Variants in KLHDC2 observed in about 807,000 individuals in gnomAD.
KLHDC2 encodes the protein kelch domain containing 2.
A neutral mutation model predicts 62.3 loss-of-function variants in KLHDC2; 38 were observed. The observed-to-expected ratio is 0.61, with a 90% confidence interval of 0.47 to 0.80. The LOEUF is 0.80. Among genes scored for constraint, KLHDC2 ranks in the 30% least tolerant of loss-of-function variants. The probability of loss-of-function intolerance (pLI) is 0.00; values close to 1 mark genes in which losing one functional copy is unlikely to be tolerated. For missense variants in KLHDC2, 430 were observed against 495.3 expected, an observed-to-expected ratio of 0.87 and a Z score of 1.25; for synonymous variants, 159 against 161.0, an observed-to-expected ratio of 0.99 and a Z score of 0.09.
At position 49,779,740 on chromosome 14, in the gene KLHDC2, T is replaced by A; in HGVS notation, c.715-8T>A. ...CTTCAAAATGATAACTTAATTATCC[T>A]TTTTTAGGATGCTAGAATGAATGAT... On this transcript the variant is annotated splice_polypyrimidine_tract_variant and splice_region_variant and intron_variant, in intron 7 of 12. Coordinates refer to ENST00000298307, the MANE Select transcript of KLHDC2 (RefSeq NM_014315.3). The A allele has an allele frequency of 6.2e-7, 1 of 1,608,640 alleles. No homozygotes were observed. Among genetic ancestry groups the A allele is most frequent in the Non-Finnish European group, 8.5e-7 (1 of 1,175,360 alleles).
At chr14:49,779,868 C>A in intron 8 of KLHDC2, 62 bp downstream of exon 8, 1 of 1,146,252 alleles carries the variant, frequency 8.7e-7, no homozygotes, top group Non-Finnish European at 1.3e-6. Flanking sequence ...ATATTCCCTA[C>A]TATTGGTATA....
intron 10 of KLHDC2, 48 bp downstream of exon 10, chr14:49,780,823 TG>T (rs769205122): frequency 9.6e-7 from 1 of 1,043,852 alleles, no homozygotes; most frequent in South Asian, 1.3e-5. Context: ...ACATAAGAAT[TG>T]AGGTTTTGGC....
At chr14:49,774,757 G>A in intron 3 of KLHDC2, 79 bp downstream of exon 3, 7 of 850,152 alleles carry the variant, frequency 8.2e-6, no homozygotes, top group East Asian at 2.4e-5. Context: ...TCTAAGGTTA[G>A]CCCCAGACTT....
intron 5 of KLHDC2, 50 bp downstream of exon 5, chr14:49,778,309 A>T: frequency 2.9e-6 from 4 of 1,368,652 alleles, no homozygotes; most frequent in Non-Finnish European, 4.1e-6. Context: ...TGTTGAAATA[A>T]TACATTTTAT....
intron 6 of KLHDC2, 91 bp from the exon 7 acceptor site, chr14:49,779,504 C>A: frequency 4.5e-6 from 4 of 896,314 alleles, no homozygotes; most frequent in South Asian, 3.4e-5. Context: ...AGCTCAAGTG[C>A]CTTACATATT....
intron 9 of KLHDC2, 55 bp from the exon 10 acceptor site, chr14:49,780,648 A>C (rs1469242059): frequency 2.6e-6 from 3 of 1,135,776 alleles, no homozygotes; most frequent in Non-Finnish European, 2.7e-6. Flanking sequence ...TGTGCCCTTT[A>C]AATGTCAATG....
intron 1 of KLHDC2, among the ~76,000 whole-genome samples, chr14:49,769,706 G>A (rs1889621118): frequency 6.6e-6 from 1 of 152,160 alleles, no homozygotes; most frequent in South Asian, 2.1e-4. Context: ...GGAGGCCAAG[G>A]TAGGTGGATC....
rs1290232152 is a variant in KLHDC2, at chr14:49,784,701, A to G, written c.*1748A>G. On this transcript the variant is annotated 3_prime_UTR_variant, in exon 13 of 13. Coordinates refer to ENST00000298307, the MANE Select transcript of KLHDC2 (RefSeq NM_014315.3). The stretch of plus-strand genomic sequence containing the variant: ...TTCACTTTGCCAGGAATGTTTCTTG[A>G]TAAATCTGTGTCCTAAAAAAAGAAA... The G allele has an allele frequency of 6.2e-7, 1 of 1,612,714 alleles. No homozygotes were observed. Among genetic ancestry groups the G allele is most frequent in the Admixed American group, 1.7e-5 (1 of 59,934 alleles).
Position 49,779,674 on chromosome 14 carries a change from G to GAGTA in KLHDC2, c.714+4_714+7dup. ...GGCTTCGTGTTTGGAGGCAGATATC[G>GAGTA]AGTAAGTATTCAAACGACTTCAATG... On this transcript the variant is annotated frameshift_variant and splice_region_variant, in exon 7 of 13. Transcript: ENST00000298307. LOFTEE classifies it high-confidence loss of function. 3 of 1,613,674 alleles carry GAGTA rather than the reference G, an allele frequency of 1.9e-6. No individual in the cohort carries two copies. In the East Asian group the frequency reaches 6.7e-5, roughly 36 times the overall value.
Position 49,778,497 on chromosome 14 carries a change from G to A in KLHDC2, c.633+3G>A. The stretch of plus-strand genomic sequence containing the variant: ...CCTGGAGCCAGCCTATAACTACTGT[G>A]AGTTACTAAAGAATAATGAATTGTT... On this transcript the variant is annotated splice_donor_region_variant and intron_variant, in intron 6 of 12. Coordinates refer to ENST00000298307, the MANE Select transcript of KLHDC2 (RefSeq NM_014315.3). 2 of 1,206,246 alleles carry A rather than the reference G, an allele frequency of 1.7e-6. No homozygotes were observed. Among genetic ancestry groups the A allele is most frequent in the Non-Finnish European group, 2.3e-6 (2 of 885,194 alleles). The allele number at this position is 1,206,246 out of a possible 1,614,324, so 74.7% of individuals were successfully genotyped here. A position where few individuals can be genotyped will look rare whatever the true frequency, so the allele number is the denominator to read the frequency against.
In KLHDC2 at chr14:49,782,392, A is replaced by G; in HGVS notation, c.979A>G (p.Ser327Gly). ...KPRLWHTACA[S>G]DEGEVIVFGG... ...CAGGTTATGGCACACAGCTTGTGCC[A>G]GCGATGAAGGAGAAGTAATTGTTTT... The change falls in exon 11 of 13, where the codon AGC becomes GGC. Residue 327 changes from serine (S) to glycine (G), a missense_variant. Transcript: ENST00000298307. 1 of 1,612,812 alleles carries G rather than the reference A, an allele frequency of 6.2e-7. No individual in the cohort carries two copies. The highest frequency in any genetic ancestry group is 1.1e-5 in the South Asian group (1 of 90,982).
chr14:49,774,014 T>C (rs1415850284), intron 2 of KLHDC2, among the ~76,000 whole-genome samples: 1 of 152,242 alleles, frequency 6.6e-6, no homozygotes, highest in Non-Finnish European at 1.5e-5. Context: ...CTTAGGTTGA[T>C]TCAGATCAAT....
chr14:49,768,314 A>C lies in KLHDC2; in HGVS notation c.-155A>C. 1.3e-6 allele frequency: 1 copy of C among 791,038 alleles called. No homozygotes were observed. Among genetic ancestry groups the C allele is most frequent in the Non-Finnish European group, 1.9e-6 (1 of 526,798 alleles). 49.0% of individuals were successfully genotyped at this position (791,038 alleles called of 1,614,324 possible). On this transcript the variant is annotated 5_prime_UTR_variant, in exon 1 of 13. Transcript: ENST00000298307. ...CCGTCCTCGGCCGAGGAGGCTGGGA[A>C]ACGCGAGCGCAGGCGGCAGAGAGGC...
chr14:49,780,322 A>C lies in KLHDC2; in HGVS notation c.883A>C (p.Ser295Arg), dbSNP rs1228147687. ...ATTTACCACTGATAAACAGCCACTAAGTAAGTCCTTGAAAAATATGATAAT... is the reference window on the plus strand; with the variant it reads ...ATTTACCACTGATAAACAGCCACTACGTAAGTCCTTGAAAAATATGATAAT... Reference protein sequence around the residue: ...GGFTTDKQPLSDAWTYCISKN... With the variant: ...GGFTTDKQPLRDAWTYCISKN... Residue 295 changes from serine (S) to arginine (R), a missense_variant and splice_region_variant, in exon 9 of 13, where the codon AGT becomes CGT. By Grantham distance (110) the Ser-to-Arg change is moderately radical. Transcript: ENST00000298307. 1 of 1,536,488 alleles carries C rather than the reference A, an allele frequency of 6.5e-7. No homozygotes were observed. The highest frequency in any genetic ancestry group is 2.2e-5 in the East Asian group (1 of 44,528).
chr14:49,780,616 C>G (rs939224963), intron 9 of KLHDC2, 87 bp from the exon 10 acceptor site: 6 of 917,918 alleles, frequency 6.5e-6, no homozygotes, highest in Non-Finnish European at 1.1e-5. Context: ...TGCTCATGAT[C>G]TATTACCTTT....
rs1889739415 is a variant in KLHDC2, at chr14:49,774,910, G to C, written c.351+232G>C. 1.5e-5 allele frequency: 7 copies of C among 455,986 alleles called. No homozygotes were observed. The East Asian group carries it at 2.8e-4, about 19-fold the overall frequency. The allele number at this position is 455,986 out of a possible 1,614,324, so 28.2% of individuals were successfully genotyped here. A position where few individuals can be genotyped will look rare whatever the true frequency, so the allele number is the denominator to read the frequency against. On this transcript the variant is annotated intron_variant, in intron 3 of 12. Transcript: ENST00000298307. Reference sequence around the variant, plus strand: ...ACCTGTGTGCAGTAACTTCCTGGGTGGTTTTTCTTTGTGCTTTTTGCAGCT... The same window carrying C: ...ACCTGTGTGCAGTAACTTCCTGGGTCGTTTTTCTTTGTGCTTTTTGCAGCT...
chr14:49,768,714 G>C, intron 1 of KLHDC2, 93 bp downstream of exon 1: 1 of 1,254,362 alleles, frequency 8.0e-7, no homozygotes, highest in Non-Finnish European at 1.0e-6. Context: ...GGGCCGCCGA[G>C]GGCGCTCCCC....
chr14:49,768,816 T>C, intron 1 of KLHDC2, 195 bp downstream of exon 1: 1 of 543,360 alleles, frequency 1.8e-6, no homozygotes, highest in Non-Finnish European at 3.2e-6. Context: ...CCCCAACCCG[T>C]CTCGAACCTC....
At chr14:49,768,713 AG>A (rs1274884479) in intron 1 of KLHDC2, 92 bp downstream of exon 1, 1 of 1,253,140 alleles carries the variant, frequency 8.0e-7, no homozygotes, top group Non-Finnish European at 1.0e-6. Context: ...CGGGCCGCCG[AG>A]GGCGCTCCCC....
Sources: gnomAD v4.1 joint callset for allele counts (sites outside exome capture counted in the v4.1 genomes callset) on GRCh38, gnomAD v4.1.1 for gene constraint, MANE v1.5 for transcripts, NCBI Gene and HGNC (gene_info 2026-07-23, HGNC 2026-07-21) for gene names.